SMYD3: variants seen among roughly 807,000 people sequenced by gnomAD.
SMYD3 encodes SET and MYND domain containing 3.
A neutral mutation model predicts 57.7 loss-of-function variants in SMYD3; 36 were observed. The observed-to-expected ratio is 0.62, with a 90% CI of 0.48 to 0.82. SMYD3 has a LOEUF of 0.82. SMYD3 is among the 40% of genes least tolerant of loss of function. The probability of loss-of-function intolerance (pLI) is 0.00; values close to 1 mark genes in which losing one functional copy is unlikely to be tolerated. For synonymous variants in SMYD3, 211 were observed against 195.0 expected (o/e 1.08, Z -0.68); for missense variants, 515 against 538.8 (o/e 0.96, Z 0.44).
chr1:246,504,555 C>T (rs1165054825), intron 1 of SMYD3, among the ~76,000 whole-genome samples: 2 of 152,114 alleles, frequency 1.3e-5, no homozygotes, highest in Non-Finnish European at 2.9e-5. Flanking sequence ...ACCAAAATGT[C>T]GTTATGCAGT....
intron 5 of SMYD3, among the ~76,000 whole-genome samples, chr1:246,188,653 A>G (rs967384184): frequency 1.3e-5 from 2 of 151,816 alleles, no homozygotes; most frequent in Non-Finnish European, 2.9e-5. Flanking sequence ...AGGCCTACCC[A>G]TAATATGCTT....
At chr1:246,067,440 G>A (rs1403459499) in intron 5 of SMYD3, among the ~76,000 whole-genome samples, 1 of 152,214 alleles carries the variant, frequency 6.6e-6, no homozygotes, top group African/African-American at 2.4e-5. Context: ...TAGTCAGGAA[G>A]TGGGGAGTGG....
chr1:245,798,100 T>TAA (rs111383177), intron 10 of SMYD3, among the ~76,000 whole-genome samples: 32 of 151,672 alleles, frequency 2.1e-4, no homozygotes, highest in African/African-American at 7.0e-4. Context: ...TTTTTTTTTT[T>TAA]AAAATATGCA....
intron 5 of SMYD3, among the ~76,000 whole-genome samples, chr1:246,166,979 A>G (rs1177311585): frequency 6.6e-6 from 1 of 152,040 alleles, no homozygotes; most frequent in Non-Finnish European, 1.5e-5. Context: ...ATCAATCTGC[A>G]CTCCGTCTCT....
rs559088835 is a variant in SMYD3 at position 245,797,828 on chromosome 1, C to CAAAAAAAAA, written c.1077-33688_1077-33680dup. Among the ~76,000 whole-genome samples, 9 of 109,430 alleles carry CAAAAAAAAA rather than the reference C, an allele frequency of 8.2e-5. 1 individual carries two copies. Among genetic ancestry groups the CAAAAAAAAA allele is most frequent in the African/African-American group, 2.7e-4 (7 of 26,254 alleles). 71.8% of individuals were successfully genotyped at this position (109,430 alleles called of 152,430 possible). The stretch of plus-strand genomic sequence containing the variant: ...TGTCCTCTCAATTGCTTCCGGGTTC[C>CAAAAAAAAA]AAAAAAAAAAAAAAAAAAAAGGTGG... On this transcript the variant is annotated intron_variant, in intron 10 of 11. Coordinates refer to ENST00000490107, the MANE Select transcript of SMYD3 (RefSeq NM_001167740.2).
chr1:246,359,887 C>G (rs1325694037), intron 1 of SMYD3, among the ~76,000 whole-genome samples: 12 of 152,124 alleles, frequency 7.9e-5, no homozygotes, highest in Admixed American at 7.9e-4. Flanking sequence ...ATCATTCCCC[C>G]TGAGAAATGA....
intron 5 of SMYD3, among the ~76,000 whole-genome samples, chr1:246,156,763 T>C (rs1338015458): frequency 6.6e-6 from 1 of 151,402 alleles, no homozygotes; most frequent in Non-Finnish European, 1.5e-5. Context: ...AAAGGGAGAG[T>C]CACAGAATGC....
intron 5 of SMYD3, among the ~76,000 whole-genome samples, chr1:246,298,850 G>T (rs914221261): frequency 6.6e-6 from 1 of 152,008 alleles, no homozygotes; most frequent in African/African-American, 2.4e-5. Context: ...AAAACTTCAT[G>T]ATTTCAAACC....
At chr1:246,122,841 A>G (rs2061444367) in intron 5 of SMYD3, among the ~76,000 whole-genome samples, 1 of 152,216 alleles carries the variant, frequency 6.6e-6, no homozygotes. Flanking sequence ...TGAAAAACAC[A>G]ATGAAGGGCG....
intron 5 of SMYD3, among the ~76,000 whole-genome samples, chr1:246,170,348 TGG>T (rs2062307587): frequency 6.6e-6 from 1 of 151,782 alleles, no homozygotes; most frequent in African/African-American, 2.4e-5. Context: ...ATATGCCTCA[TGG>T]TTGCATGTAG....
intron 5 of SMYD3, among the ~76,000 whole-genome samples, chr1:246,185,688 C>T (rs1473150830): frequency 6.6e-6 from 1 of 152,104 alleles, no homozygotes; most frequent in African/African-American, 2.4e-5. Context: ...GTCTCGATCT[C>T]CTGATTTCGT....
intron 5 of SMYD3, among the ~76,000 whole-genome samples, chr1:246,002,286 G>A (rs376471135): frequency 4.1e-4 from 51 of 123,088 alleles, no homozygotes; most frequent in African/African-American, 1.2e-3. Context: ...CCGGGTTCAC[G>A]CCATTCTCCT....
intron 5 of SMYD3, among the ~76,000 whole-genome samples, chr1:246,319,976 T>A (rs1253980987): frequency 6.6e-6 from 1 of 152,204 alleles, no homozygotes; most frequent in African/African-American, 2.4e-5. Flanking sequence ...TTATGATCAC[T>A]CTAAATGTAA....
chr1:245,815,990 G>A (rs537743942), intron 10 of SMYD3, among the ~76,000 whole-genome samples: 18 of 152,318 alleles, frequency 1.2e-4, no homozygotes, highest in African/African-American at 4.3e-4. Flanking sequence ...GAGTAGGTAA[G>A]TTGCGGCATG....
At chr1:246,335,031 C>A (rs1572393532) in intron 3 of SMYD3, among the ~76,000 whole-genome samples, 1 of 152,320 alleles carries the variant, frequency 6.6e-6, no homozygotes, top group South Asian at 2.1e-4. Context: ...CTTGATTAGT[C>A]AGCAGCCATC....
At chr1:246,076,282 G>C (rs2060545244) in intron 5 of SMYD3, among the ~76,000 whole-genome samples, 1 of 152,158 alleles carries the variant, frequency 6.6e-6, no homozygotes, top group Admixed American at 6.5e-5. Context: ...ACCCAGGAAA[G>C]AGAAATTCAA....
intron 5 of SMYD3, among the ~76,000 whole-genome samples, chr1:246,045,872 A>C (rs1382850888): frequency 6.6e-6 from 1 of 152,248 alleles, no homozygotes; most frequent in African/African-American, 2.4e-5. Flanking sequence ...ACACATGAAA[A>C]AATGCTCATC....
At chr1:246,293,253 T>C (rs546347541) in intron 5 of SMYD3, among the ~76,000 whole-genome samples, 1 of 152,256 alleles carries the variant, frequency 6.6e-6, no homozygotes, top group Admixed American at 6.5e-5. Context: ...TCTTCTGAAC[T>C]ATATTTGGTC....
At chr1:245,788,267 A>G (rs958670789) in intron 10 of SMYD3, among the ~76,000 whole-genome samples, 1 of 150,740 alleles carries the variant, frequency 6.6e-6, no homozygotes, top group Non-Finnish European at 1.5e-5. Flanking sequence ...ACAGGGCAAG[A>G]AGAATGGTGA....
Sources: allele counts gnomAD v4.1 joint callset (sites outside exome capture counted in the v4.1 genomes callset), GRCh38; gene constraint gnomAD v4.1.1; transcripts MANE v1.5; gene names NCBI Gene and HGNC (gene_info 2026-07-23, HGNC 2026-07-21).